KNL1: variants seen among roughly 807,000 people sequenced by gnomAD.
The protein encoded by KNL1 is kinetochore scaffold 1.
In KNL1, 66 loss-of-function variants were observed where a neutral mutation model predicts 201.3. The ratio of observed to expected loss-of-function variants is 0.33; its 90% CI spans 0.27 to 0.40. The LOEUF (loss-of-function observed/expected upper bound fraction) is 0.40. Among genes scored for constraint, KNL1 ranks in the 10% least tolerant of loss-of-function variants. The pLI is 1.00. For synonymous variants in KNL1, 895 were observed against 899.2 expected (o/e 1.00, Z 0.08); for missense variants, 2,815 against 2,690.5 (o/e 1.05, Z -1.02).
Position 40,625,619 on chromosome 15 carries a change from T to C in KNL1, c.5355T>C (p.Ser1785=), listed in dbSNP as rs1235903281. 4 of 1,610,930 alleles carry C rather than the reference T, an allele frequency of 2.5e-6. No homozygotes were observed. The highest frequency in any genetic ancestry group is 2.2e-5 in the East Asian group (1 of 44,868). The change falls in exon 10 of 26, where the codon AGT becomes AGC. Residue 1785 remains serine, a synonymous_variant. Transcript: ENST00000399668. The part of the protein sequence containing the change: ...KKIRKNEIKF[S]DTTQDREIFD... ...TCAGAAAAAATGAGATTAAGTTTAG[T>C]GATACGACACAAGATCGGGAGGTGA...
intron 24 of KNL1, among the ~76,000 whole-genome samples, chr15:40,658,577 AAAG>A (rs1893809892): frequency 6.7e-6 from 1 of 148,922 alleles, no homozygotes; most frequent in African/African-American, 2.5e-5. Flanking sequence ...AAAAAAAAAA[AAAG>A]AAAGAAAGAA....
chr15:40,597,485 G>A (rs1891653731), intron 1 of KNL1, among the ~76,000 whole-genome samples: 1 of 152,130 alleles, frequency 6.6e-6, no homozygotes, highest in African/African-American at 2.4e-5. Flanking sequence ...ATGTTGTCCA[G>A]GCTGGTCTTG....
chr15:40,616,706 A>G (rs11852670), intron 8 of KNL1, among the ~76,000 whole-genome samples: 59,351 of 151,774 alleles, frequency 0.39, 11,771 homozygotes, highest in Middle Eastern at 0.47. Context: ...CATTCTCCAT[A>G]TTTCTAAATT....
Position 40,621,835 on chromosome 15 carries a change from T to G in KNL1, c.1571T>G (p.Met524Arg), listed in dbSNP as rs1021819879. Residue 524 changes from methionine (M) to arginine (R), a missense_variant, in exon 10 of 26, where the codon ATG (methionine) becomes AGG (arginine). This residue lies in a region of KNL1 where 2,464 missense variants were observed against 2,291.7 expected (regional missense o/e 1.08). Transcript: ENST00000399668. ...PEKEMMLQNL[M>R]TTSEDGKMNV... ...AAAGAAATGATGCTCCAAAATCTTATGACCACATCAGAAGATGGGAAAATG... is the reference window on the plus strand; with the variant it reads ...AAAGAAATGATGCTCCAAAATCTTAGGACCACATCAGAAGATGGGAAAATG... 6.2e-7 allele frequency: 1 copy of G among 1,614,082 alleles called. No homozygotes were observed.
At chr15:40,599,910 C>T (rs1203836108) in intron 1 of KNL1, among the ~76,000 whole-genome samples, 4 of 150,628 alleles carry the variant, frequency 2.7e-5, no homozygotes, top group African/African-American at 9.8e-5. Flanking sequence ...TCCAGGGTTC[C>T]AGAGATCCTC....
At chr15:40,601,136 T>C (rs1891778541) in intron 1 of KNL1, among the ~76,000 whole-genome samples, 1 of 152,244 alleles carries the variant, frequency 6.6e-6, no homozygotes, top group African/African-American at 2.4e-5. Context: ...CTCCGCCTTC[T>C]GTCGGATCAG....
chr15:40,612,137 G>A (rs1892184706), intron 7 of KNL1, among the ~76,000 whole-genome samples: 1 of 152,140 alleles, frequency 6.6e-6, no homozygotes, highest in South Asian at 2.1e-4. Context: ...CCAACGTGGT[G>A]AAACCCCATC....
chr15:40,596,867 G>A (rs1402849492), intron 1 of KNL1, among the ~76,000 whole-genome samples: 2 of 151,820 alleles, frequency 1.3e-5, no homozygotes, highest in Non-Finnish European at 1.5e-5. Context: ...AAGCGTGGTG[G>A]CGCATGCCTG....
At chr15:40,616,112 C>A (rs1275513634) in intron 8 of KNL1, among the ~76,000 whole-genome samples, 1 of 146,402 alleles carries the variant, frequency 6.8e-6, no homozygotes, top group Non-Finnish European at 1.5e-5. Context: ...ATTTCACAGG[C>A]TCACTATTAC....
rs1301971227 is a variant in KNL1, at chr15:40,664,319, TTAAAA to T, written c.*2135_*2139del. The T allele has an allele frequency of 5.8e-6, 1 of 171,708 alleles. No homozygotes were observed. The highest frequency in any genetic ancestry group is 2.4e-5 in the African/African-American group (1 of 42,102). 10.6% of individuals were successfully genotyped at this position (171,708 alleles called of 1,614,324 possible). On this transcript the variant is annotated 3_prime_UTR_variant, in exon 26 of 26. Coordinates refer to ENST00000399668, the MANE Select transcript of KNL1 (RefSeq NM_144508.5). ...GGAAAGCAGATTACATTTTGCACTA[TTAAAA>T]TAAGTTTATTACTTTAAATCTTTTG...
At chr15:40,657,251 A>G in intron 23 of KNL1, 100 bp downstream of exon 23, 1 of 1,004,324 alleles carries the variant, frequency 1.0e-6, no homozygotes, top group Non-Finnish European at 1.6e-6. Context: ...CTGAAATGAT[A>G]AATGTATTCA....
intron 24 of KNL1, among the ~76,000 whole-genome samples, chr15:40,658,550 A>G (rs1893805145): frequency 9.1e-6 from 1 of 110,424 alleles, no homozygotes; most frequent in Non-Finnish European, 1.8e-5. Flanking sequence ...AAAAAAAGAG[A>G]GAATCTGTCT....
chr15:40,644,033 G>C (rs572753142), intron 14 of KNL1, among the ~76,000 whole-genome samples: 2 of 152,304 alleles, frequency 1.3e-5, no homozygotes, highest in Non-Finnish European at 2.9e-5. Context: ...ATAAGACACA[G>C]AGACAAAGTA....
chr15:40,640,800 A>C (rs543546805), intron 13 of KNL1, 112 bp from the exon 14 acceptor site: 9 of 698,450 alleles, frequency 1.3e-5, no homozygotes, highest in Non-Finnish European at 2.0e-5. Flanking sequence ...TGAGTATTCA[A>C]ATTTTTCTTT....
Position 40,618,968 on chromosome 15 carries a change from C to T in KNL1, c.332C>T (p.Thr111Ile). 1 of 1,606,400 alleles carries T rather than the reference C, an allele frequency of 6.2e-7. No homozygotes were observed. Among genetic ancestry groups the T allele is most frequent in the South Asian group, 1.1e-5 (1 of 90,798 alleles). ...DNYCEITGMN[T>I]LLSAPIHTQM... ...TCTTTTTTCTAAATAGGGATGAACA[C>T]ATTGCTTTCTGCTCCCATTCATACC... Residue 111 changes from threonine (T) to isoleucine (I), a missense_variant, in exon 9 of 26, where the codon ACA (threonine) becomes ATA (isoleucine). By Grantham distance (89) the Thr-to-Ile change is moderately conservative. Transcript: ENST00000399668.
chr15:40,625,735 C>T (rs771502805), intron 10 of KNL1, 95 bp downstream of exon 10: 7 of 897,580 alleles, frequency 7.8e-6, no homozygotes, highest in African/African-American at 3.4e-5. Context: ...ATCTTAGTCT[C>T]GGGTAGGCAG....
At position 40,639,817 on chromosome 15, in the gene KNL1, A is replaced by G. The variant is rs563896658; in HGVS notation, c.5683-1095A>G. Among the ~76,000 whole-genome samples the G allele has an allele frequency of 2.6e-5, 4 of 151,450 alleles. No homozygotes were observed. The South Asian group carries it at 6.3e-4, about 24-fold the overall frequency. Reference sequence around the variant, plus strand: ...TAGCTGGAGACAGTGGCTCACATCTATAATCCCAGTGCTTTGGGAGGTTGA... The same window carrying G: ...TAGCTGGAGACAGTGGCTCACATCTGTAATCCCAGTGCTTTGGGAGGTTGA... On this transcript the variant is annotated intron_variant, in intron 13 of 25. Transcript: ENST00000399668.
At position 40,623,625 on chromosome 15, in the gene KNL1, T is replaced by C. The variant is rs1360045185; in HGVS notation, c.3361T>C (p.Cys1121Arg). ...GGCTTCTAAAACTATTTTGTATTCATGTGGGCAGGATGACATGGAGATCAC... is the reference window on the plus strand; with the variant it reads ...GGCTTCTAAAACTATTTTGTATTCACGTGGGCAGGATGACATGGAGATCAC... ...AGASKTILYSCGQDDMEITRS... is the reference protein window; with the variant it reads ...AGASKTILYSRGQDDMEITRS... The change falls in exon 10 of 26, where the codon TGT becomes CGT. Residue 1121 changes from cysteine (C) to arginine (R), a missense_variant. Coordinates refer to ENST00000399668, the MANE Select transcript of KNL1 (RefSeq NM_144508.5). 1.2e-6 allele frequency: 2 copies of C among 1,613,678 alleles called. No individual in the cohort carries two copies. Among genetic ancestry groups the C allele is most frequent in the Admixed American group, 1.7e-5 (1 of 59,972 alleles).
chr15:40,607,320 CT>C (rs990320889), intron 4 of KNL1, among the ~76,000 whole-genome samples: 3 of 152,040 alleles, frequency 2.0e-5, no homozygotes, highest in African/African-American at 4.8e-5. Flanking sequence ...GATCAGTATT[CT>C]TTTTTTTCAG....
Sources: allele counts gnomAD v4.1 joint callset (sites outside exome capture counted in the v4.1 genomes callset), GRCh38; gene constraint gnomAD v4.1.1; regional missense constraint gnomAD v4.1.1; transcripts MANE v1.5; gene names NCBI Gene and HGNC (gene_info 2026-07-23, HGNC 2026-07-21).